CCNT1: variants seen among roughly 807,000 people sequenced by gnomAD.
CCNT1 encodes the protein cyclin-T1.
CCNT1 carries 18 observed loss-of-function variants against 67.3 expected under a neutral mutation model. The observed-to-expected ratio is 0.27, with a 90% CI of 0.18 to 0.40. The LOEUF (loss-of-function observed/expected upper bound fraction) is 0.40, where lower values mean the gene tolerates loss of function less well. CCNT1 is among the 10% of genes least tolerant of loss of function. The pLI is 1.00. For missense variants in CCNT1, 744 were observed against 884.9 expected, an observed-to-expected ratio of 0.84 and a Z score of 2.02; for synonymous variants, 333 against 310.3, an observed-to-expected ratio of 1.07 and a Z score of -0.77.
intron 6 of CCNT1, among the ~76,000 whole-genome samples, chr12:48,697,534 AATAT>A (rs771889041): frequency 0.016 from 2,076 of 130,606 alleles, 78 homozygotes; most frequent in African/African-American, 0.058. Flanking sequence ...AAAAAAAAAA[AATAT>A]ATATATATAT....
At chr12:48,706,816 T>C (rs1383894106) in intron 2 of CCNT1, among the ~76,000 whole-genome samples, 3 of 152,222 alleles carry the variant, frequency 2.0e-5, no homozygotes, top group Non-Finnish European at 4.4e-5. Context: ...TGATGTCACC[T>C]ATGCTATACT....
chr12:48,712,014 T>C (rs1376110053), intron 2 of CCNT1, among the ~76,000 whole-genome samples: 1 of 152,132 alleles, frequency 6.6e-6, no homozygotes, highest in Admixed American at 6.5e-5. Flanking sequence ...CAGGATGGTC[T>C]TGATCTGCTG....
chr12:48,703,105 T>C (rs1228855943), intron 3 of CCNT1, among the ~76,000 whole-genome samples: 2 of 151,498 alleles, frequency 1.3e-5, no homozygotes, highest in East Asian at 1.9e-4. Context: ...GATGGGACCA[T>C]CTAGTTGCAG....
At position 48,694,391 on chromosome 12, in the gene CCNT1, C is replaced by A; in HGVS notation, c.823G>T (p.Asp275Tyr). The change falls in exon 9 of 9, where the codon GAT (aspartate) becomes TAT (tyrosine). Residue 275 changes from aspartate (D) to tyrosine (Y), a missense_variant. Asp to Tyr is a radical substitution (Grantham distance 160). Coordinates refer to ENST00000261900, the MANE Select transcript of CCNT1 (RefSeq NM_001240.4). The part of the protein sequence containing the change: ...KKTKADDRGT[D>Y]EKTSEQTILN... ...ATTGTCTGCTCTGAAGTCTTTTCAT[C>A]TGTTCCTCGGTCATCTGCTTTTGTT... 1 of 1,614,182 alleles carries A rather than the reference C, an allele frequency of 6.2e-7. No individual in the cohort carries two copies. Among genetic ancestry groups the A allele is most frequent in the Non-Finnish European group, 8.5e-7 (1 of 1,180,006 alleles).
intron 4 of CCNT1, among the ~76,000 whole-genome samples, chr12:48,700,187 CG>C (rs1291563892): frequency 6.6e-6 from 1 of 151,534 alleles, no homozygotes; most frequent in African/African-American, 2.4e-5. Flanking sequence ...GGCGTGGTGG[CG>C]GGCGCCTGTA....
rs3013 is a variant in CCNT1 at position 48,693,873 on chromosome 12, G to A, written c.1341C>T (p.Pro447=). ...CAGCCTTTTCCAGAAAAGGCCGCTC[G>A]GGGTTTTCTGAACCCTCTATGGGCA... ...LKMPIEGSEN[P]ERPFLEKADK... is the part of the protein sequence containing the mutation. Residue 447 remains proline (P), a synonymous_variant, in exon 9 of 9, where the codon CCC becomes CCT. Transcript: ENST00000261900. 2.9e-5 allele frequency: 47 copies of A among 1,613,902 alleles called. No homozygotes were observed. The highest frequency in any genetic ancestry group is 2.7e-4 in the East Asian group (12 of 44,870).
chr12:48,715,299 C>T (rs968084148), intron 1 of CCNT1, among the ~76,000 whole-genome samples: 3 of 152,170 alleles, frequency 2.0e-5, no homozygotes, highest in African/African-American at 7.2e-5. Context: ...CCTTAAGATA[C>T]ACACATTACT....
Position 48,693,632 on chromosome 12 carries a change from G to A in CCNT1, c.1582C>T (p.His528Tyr). The change falls in exon 9 of 9, where the codon CAC becomes TAC. Residue 528 changes from histidine to tyrosine, a missense_variant. Physicochemically the swap from His to Tyr is moderately conservative, Grantham distance 83. Around this residue, in one of 3 missense-constraint regions of CCNT1, gnomAD observed 564 missense variants for 574.2 expected, o/e 0.98. Transcript: ENST00000261900. ...CCAACTGGAAGTTGGGAATGAGAGTGCTTGTGTGAGTGGTGATTATGATGA... is the reference window on the plus strand; with the variant it reads ...CCAACTGGAAGTTGGGAATGAGAGTACTTGTGTGAGTGGTGATTATGATGA... ...HHHHNHHSHK[H>Y]SHSQLPVGTG... The A allele has an allele frequency of 6.2e-7, 1 of 1,614,178 alleles. No homozygotes were observed. The highest frequency in any genetic ancestry group is 8.5e-7 in the Non-Finnish European group (1 of 1,180,034).
chr12:48,701,869 G>A (rs1940275396), intron 3 of CCNT1, among the ~76,000 whole-genome samples: 1 of 151,054 alleles, frequency 6.6e-6, no homozygotes, highest in Non-Finnish European at 1.5e-5. Context: ...GCCTCCCAAA[G>A]TGCTGGGATT....
At chr12:48,697,523 A>AG (rs1940189428) in intron 6 of CCNT1, among the ~76,000 whole-genome samples, 1 of 59,584 alleles carries the variant, frequency 1.7e-5, no homozygotes, top group African/African-American at 4.7e-5. Flanking sequence ...ACTCTGTCTT[A>AG]AAAAAAAAAA....
Position 48,693,328 on chromosome 12 carries a change from C to A in CCNT1, c.1886G>T (p.Ser629Ile), listed in dbSNP as rs1173622086. The A allele has an allele frequency of 6.2e-7, 1 of 1,614,100 alleles. No homozygotes were observed. Among genetic ancestry groups the A allele is most frequent in the Admixed American group, 1.7e-5 (1 of 60,008 alleles). ...DTSGLSFSQPSCKTRVPHSKL... is the reference protein window; with the variant it reads ...DTSGLSFSQPICKTRVPHSKL... ...CGAATGAGGGACACGAGTTTTACAG[C>A]TGGGCTGTGAAAAGGAAAGGCCACT... Residue 629 changes from serine (S) to isoleucine (I), a missense_variant, in exon 9 of 9, where the codon AGC becomes ATC. By Grantham distance (142) the Ser-to-Ile change is moderately radical. Around this residue, in one of 3 missense-constraint regions of CCNT1, gnomAD observed 564 missense variants for 574.2 expected, o/e 0.98. Transcript: ENST00000261900.
intron 2 of CCNT1, 60 bp downstream of exon 2, chr12:48,714,383 G>A (rs1940502236): frequency 3.8e-6 from 4 of 1,053,828 alleles, no homozygotes; most frequent in Middle Eastern, 2.0e-4. Flanking sequence ...AACCACAAAT[G>A]GAATAGGTAG....
In CCNT1 at chr12:48,692,151, G is replaced by A. The variant is rs991252083; in HGVS notation, c.*882C>T. 1.1e-4 allele frequency: 16 copies of A among 152,130 alleles called. No homozygotes were observed. Among genetic ancestry groups the A allele is most frequent in the African/African-American group, 3.9e-4 (16 of 41,424 alleles). The allele number at this position is 152,130 out of a possible 1,614,324, so 9.4% of individuals were successfully genotyped here. On this transcript the variant is annotated 3_prime_UTR_variant, in exon 9 of 9. Transcript: ENST00000261900. ...GTAAAAAGGAAGTTCTCATAATAAG[G>A]TTAAGAGTCAGGGTGTTGGCTGTAC... is the stretch of plus-strand genomic sequence containing the variant.
rs997120737 is a variant in CCNT1, at chr12:48,692,341, T to C, written c.*692A>G. On this transcript the variant is annotated 3_prime_UTR_variant, in exon 9 of 9. Coordinates refer to ENST00000261900, the MANE Select transcript of CCNT1 (RefSeq NM_001240.4). The stretch of plus-strand genomic sequence containing the variant: ...AACGGTAAGGAACAGGGAGGGAAGA[T>C]AAAACATTATTTTTAAACACACACA... 1.3e-5 allele frequency: 2 copies of C among 152,186 alleles called. No homozygotes were observed. The highest frequency in any genetic ancestry group is 2.1e-4 in the South Asian group (1 of 4,814). The allele number at this position is 152,186 out of a possible 1,614,324, so 9.4% of individuals were successfully genotyped here.
chr12:48,702,619 T>C (rs1375979657), intron 3 of CCNT1, among the ~76,000 whole-genome samples: 12 of 151,994 alleles, frequency 7.9e-5, no homozygotes, highest in Non-Finnish European at 5.9e-5. Context: ...CCTGTCTCTA[T>C]TAAAAATACT....
chr12:48,688,757 C>G lies in CCNT1; in HGVS notation c.*4276G>C, dbSNP rs1228304018. 1 of 151,370 alleles carries G rather than the reference C, an allele frequency of 6.6e-6. No homozygotes were observed. Among genetic ancestry groups the G allele is most frequent in the East Asian group, 1.9e-4 (1 of 5,162 alleles). 9.4% of individuals were successfully genotyped at this position (151,370 alleles called of 1,614,324 possible). On this transcript the variant is annotated 3_prime_UTR_variant, in exon 9 of 9. Transcript: ENST00000261900. ...TTAAGAGCAATACAAAGAGAACAGACAAAAATCTCACCACAAAATTGTACC... is the reference window on the plus strand; with the variant it reads ...TTAAGAGCAATACAAAGAGAACAGAGAAAAATCTCACCACAAAATTGTACC...
At position 48,694,042 on chromosome 12, in the gene CCNT1, T is replaced by A. The variant is rs1316101009; in HGVS notation, c.1172A>T (p.Glu391Val). The stretch of plus-strand genomic sequence containing the variant: ...TTCTTCTGCATGCTTCGCGCGGTAT[T>A]CTTTCAGTGACACTTTAGCTGATGG... ...SVPSAKVSLK[E>V]YRAKHAEELA... Residue 391 changes from glutamate (E) to valine (V), a missense_variant, in exon 9 of 9, where the codon GAA becomes GTA. Around this residue, in one of 3 missense-constraint regions of CCNT1, gnomAD observed 564 missense variants for 574.2 expected, o/e 0.98. Transcript: ENST00000261900. 1 of 1,614,236 alleles carries A rather than the reference T, an allele frequency of 6.2e-7. No homozygotes were observed. Among genetic ancestry groups the A allele is most frequent in the Admixed American group, 1.7e-5 (1 of 60,036 alleles).
In CCNT1 at chr12:48,710,677, G is replaced by A. The variant is rs184612725; in HGVS notation, c.243+3766C>T. ...ATATCTCTATATTGGATAACTACCA[G>A]ATCATCCATTCATTCAATAAGTTTA... On this transcript the variant is annotated intron_variant, in intron 2 of 8. Coordinates refer to ENST00000261900, the MANE Select transcript of CCNT1 (RefSeq NM_001240.4). 3.5e-4 allele frequency among the ~76,000 whole-genome samples: 54 copies of A among 152,288 alleles called. No homozygotes were observed. In the East Asian group the frequency reaches 7.9e-3, roughly 22 times the overall value.
chr12:48,704,723 C>T (rs2114320), intron 3 of CCNT1, among the ~76,000 whole-genome samples: 78,584 of 151,916 alleles, frequency 0.52, 21,545 homozygotes, highest in East Asian at 0.77. Flanking sequence ...GCAGGAGAAT[C>T]GCTTGAAACC....
Sources: gnomAD v4.1 joint callset for allele counts (sites outside exome capture counted in the v4.1 genomes callset) on GRCh38, gnomAD v4.1.1 for gene constraint, gnomAD v4.1.1 regional missense constraint, MANE v1.5 for transcripts, NCBI Gene and HGNC (gene_info 2026-07-23, HGNC 2026-07-21) for gene names.